Variants in EDIL3 observed in about 807,000 individuals in gnomAD.
The protein encoded by EDIL3 is EGF-like repeat and discoidin I-like domain-containing protein 3.
A neutral mutation model predicts 67.4 loss-of-function variants in EDIL3; 37 were observed. The ratio of observed to expected loss-of-function variants is 0.55; its 90% CI spans 0.42 to 0.72. The LOEUF is 0.72. Ranked by LOEUF, EDIL3 falls within the 30% of genes least tolerant of loss-of-function variation. The pLI is 0.00. For synonymous variants in EDIL3, 195 were observed against 196.3 expected (o/e 0.99, Z 0.05); for missense variants, 527 against 586.3 (o/e 0.90, Z 1.04).
intron 10 of EDIL3, among the ~76,000 whole-genome samples, chr5:83,956,462 C>T: frequency 6.6e-6 from 1 of 151,704 alleles, no homozygotes; most frequent in South Asian, 2.1e-4. Flanking sequence ...CAACTGCTAT[C>T]ACACTACTCA....
chr5:84,049,419 C>T (rs530012951), intron 9 of EDIL3, among the ~76,000 whole-genome samples: 1 of 152,138 alleles, frequency 6.6e-6, no homozygotes, highest in Non-Finnish European at 1.5e-5. Flanking sequence ...TTCCACTGTT[C>T]TGTTATTTGT....
At chr5:83,981,706 C>G (rs2112149339) in intron 9 of EDIL3, among the ~76,000 whole-genome samples, 1 of 152,102 alleles carries the variant, frequency 6.6e-6, no homozygotes, top group Non-Finnish European at 1.5e-5. Flanking sequence ...AACTTTAGGT[C>G]AAGCAGAAAC....
At chr5:84,265,371 T>C (rs1561239618) in intron 1 of EDIL3, among the ~76,000 whole-genome samples, 1 of 152,214 alleles carries the variant, frequency 6.6e-6, no homozygotes, top group Non-Finnish European at 1.5e-5. Context: ...CTTGACTGTA[T>C]ATGCTTATCT....
At chr5:84,359,725 C>G (rs1444175435) in intron 1 of EDIL3, among the ~76,000 whole-genome samples, 1 of 152,126 alleles carries the variant, frequency 6.6e-6, no homozygotes, top group Non-Finnish European at 1.5e-5. Context: ...GCCATTAAAG[C>G]ACCAAAATCT....
At chr5:84,142,909 A>G (rs1284371972) in intron 4 of EDIL3, among the ~76,000 whole-genome samples, 4 of 146,394 alleles carry the variant, frequency 2.7e-5, no homozygotes, top group Non-Finnish European at 6.0e-5. Context: ...CTCCGGCAAT[A>G]TTGTTATTGA....
intron 1 of EDIL3, among the ~76,000 whole-genome samples, chr5:84,383,743 T>A (rs1035256059): frequency 4.9e-4 from 74 of 152,118 alleles, no homozygotes; most frequent in African/African-American, 1.8e-3. Flanking sequence ...TGAAGTGACC[T>A]GTGAGACTCC....
At chr5:83,950,922 T>C (rs1744408464) in intron 10 of EDIL3, among the ~76,000 whole-genome samples, 1 of 151,788 alleles carries the variant, frequency 6.6e-6, no homozygotes, top group East Asian at 2.0e-4. Context: ...TGGTCATATA[T>C]ATAATAATTC....
intron 1 of EDIL3, among the ~76,000 whole-genome samples, chr5:84,364,879 C>T (rs1448544453): frequency 1.3e-5 from 2 of 151,820 alleles, no homozygotes; most frequent in Admixed American, 1.3e-4. Context: ...ATCCAAACCA[C>T]TTAATTAATC....
chr5:84,254,340 A>G (rs1745088509), intron 1 of EDIL3, 128 bp from the exon 2 acceptor site: 2 of 1,081,090 alleles, frequency 1.8e-6, no homozygotes, highest in Admixed American at 3.3e-5. Context: ...AGATTCACAC[A>G]TAAGATCTGC....
chr5:84,309,778 A>C (rs1746348697), intron 1 of EDIL3, among the ~76,000 whole-genome samples: 1 of 152,106 alleles, frequency 6.6e-6, no homozygotes, highest in African/African-American at 2.4e-5. Flanking sequence ...AGTCTTTGCT[A>C]TTGTGAATAG....
chr5:84,007,783 T>A (rs1299358677), intron 9 of EDIL3, among the ~76,000 whole-genome samples: 1 of 152,040 alleles, frequency 6.6e-6, no homozygotes, highest in Non-Finnish European at 1.5e-5. Context: ...TTTGTATACA[T>A]ACCAAAAATA....
At chr5:84,326,960 C>G (rs1310270320) in intron 1 of EDIL3, among the ~76,000 whole-genome samples, 3 of 151,834 alleles carry the variant, frequency 2.0e-5, no homozygotes, top group Non-Finnish European at 2.9e-5. Context: ...CTGCAAAAGT[C>G]TTTTTCCCTA....
At chr5:84,340,588 A>ATATG (rs1416900545) in intron 1 of EDIL3, among the ~76,000 whole-genome samples, 4 of 145,406 alleles carry the variant, frequency 2.8e-5, no homozygotes, top group Non-Finnish European at 4.5e-5. Flanking sequence ...CTACATATAT[A>ATATG]TATGTATGTA....
chr5:84,157,816 A>C (rs552527435), intron 4 of EDIL3, among the ~76,000 whole-genome samples: 1 of 152,150 alleles, frequency 6.6e-6, no homozygotes, highest in African/African-American at 2.4e-5. Flanking sequence ...ATGTAGTATG[A>C]ATTAAAAAAA....
chr5:84,242,678 G>A (rs1744821990), intron 2 of EDIL3, among the ~76,000 whole-genome samples: 1 of 150,634 alleles, frequency 6.6e-6, no homozygotes, highest in Non-Finnish European at 1.5e-5. Context: ...TGTACCTGTA[G>A]TCCCAGCTAC....
At chr5:84,359,885 ACTC>A (rs1747562722) in intron 1 of EDIL3, among the ~76,000 whole-genome samples, 1 of 151,652 alleles carries the variant, frequency 6.6e-6, no homozygotes, top group Non-Finnish European at 1.5e-5. Flanking sequence ...ACGCAACTAA[ACTC>A]CTCTTTTCCA....
intron 10 of EDIL3, among the ~76,000 whole-genome samples, chr5:83,951,296 T>C (rs890335947): frequency 6.6e-6 from 1 of 151,802 alleles, no homozygotes; most frequent in Admixed American, 6.6e-5. Flanking sequence ...AAAGTTTGCT[T>C]TCTATTGTAA....
chr5:84,185,722 A>G (rs1743414612), intron 3 of EDIL3, among the ~76,000 whole-genome samples: 1 of 152,072 alleles, frequency 6.6e-6, no homozygotes, highest in South Asian at 2.1e-4. Context: ...TTATAATTAG[A>G]TTCCAATGTG....
intron 10 of EDIL3, among the ~76,000 whole-genome samples, chr5:83,960,234 C>A (rs1343467865): frequency 6.6e-6 from 1 of 151,048 alleles, no homozygotes. Flanking sequence ...ACATTTATAA[C>A]ATAAAAATGG....
Sources: allele counts gnomAD v4.1 joint callset (sites outside exome capture counted in the v4.1 genomes callset), GRCh38; gene constraint gnomAD v4.1.1; transcripts MANE v1.5; gene names NCBI Gene and HGNC (gene_info 2026-07-23, HGNC 2026-07-21).